HSPG2: variants seen among roughly 807,000 people sequenced by gnomAD.
The protein encoded by HSPG2 is basement membrane-specific heparan sulfate proteoglycan core protein.
A neutral mutation model predicts 526.6 loss-of-function variants in HSPG2; 278 were observed. That is an observed-to-expected ratio of 0.53 (90% CI 0.48 to 0.58). The LOEUF (loss-of-function observed/expected upper bound fraction) is 0.58, where lower values mean the gene tolerates loss of function less well. Among genes scored for constraint, HSPG2 ranks in the 20% least tolerant of loss-of-function variants. The probability of loss-of-function intolerance (pLI) is 0.00; values close to 1 mark genes in which losing one functional copy is unlikely to be tolerated. For missense variants in HSPG2, 5,354 were observed against 6,099.5 expected (o/e 0.88, Z 4.07); for synonymous variants, 2,465 against 2,555.4 (o/e 0.96, Z 1.07).
Position 21,875,001 on chromosome 1 carries a change from C to T in HSPG2, c.3304G>A (p.Val1102Ile). The change falls in exon 26 of 97, where the codon GTC (valine) becomes ATC (isoleucine). Residue 1102 changes from valine (V) to isoleucine (I), a missense_variant and splice_region_variant. Physicochemically the swap from Val to Ile is conservative, Grantham distance 29. Coordinates refer to ENST00000374695, the MANE Select transcript of HSPG2 (RefSeq NM_005529.7). ...SYAQQPAESR[V>I]SGISMDVAVP... ...GCCACGTCCATGCTGATGCCAGAGA[C>T]CCTGGGCGTGACAAGACCCAGCGTG... 6.3e-7 allele frequency: 1 copy of T among 1,593,704 alleles called. No individual in the cohort carries two copies.
In HSPG2 at chr1:21,872,378, C is replaced by G; in HGVS notation, c.4030-1G>C. 1 of 1,565,398 alleles carries G rather than the reference C, an allele frequency of 6.4e-7. No individual in the cohort carries two copies. The highest frequency in any genetic ancestry group is 8.7e-7 in the Non-Finnish European group (1 of 1,153,552). ...CCCCAGGGGCAAAGTGGGTGGAGAT[C>G]TGGCAGGGGAAAAAGGAGGGGGCGT... On this transcript the variant is annotated splice_acceptor_variant, in intron 32 of 96. Coordinates refer to ENST00000374695, the MANE Select transcript of HSPG2 (RefSeq NM_005529.7). LOFTEE classifies it high-confidence loss of function. This position sits in a 1 kb window ranked among gnomAD's most constrained non-coding sequence, Gnocchi z 5.5.
chr1:21,929,800 A>T (rs35427168), intron 1 of HSPG2, among the ~76,000 whole-genome samples: 1 of 151,994 alleles, frequency 6.6e-6, no homozygotes, highest in East Asian at 1.9e-4. Flanking sequence ...CCCGCCCCAC[A>T]TCCAACCCAC....
In HSPG2 at chr1:21,848,997, G is replaced by A. The variant is rs1382448916; in HGVS notation, c.7481C>T (p.Thr2494Ile). 2 of 1,613,950 alleles carry A rather than the reference G, an allele frequency of 1.2e-6. No individual in the cohort carries two copies. Among genetic ancestry groups the A allele is most frequent in the African/African-American group, 1.3e-5 (1 of 74,936 alleles). Residue 2494 changes from threonine (T) to isoleucine (I), a missense_variant, in exon 58 of 97, where the codon ACC (threonine) becomes ATC (isoleucine). Transcript: ENST00000374695. The surrounding 1 kb of genome is among the most constrained non-coding windows in gnomAD (Gnocchi z 4.9). ...CACGTACTCCCCTGAATCAGCTGGG[G>A]TCACCTGGAGCAGGCGTAGCCTCGA... ...HGSRLRLLQV[T>I]PADSGEYVCR...
In HSPG2 at chr1:21,865,178, C is replaced by T; in HGVS notation, c.4396-105G>A. ...CTTACAGGCACTGACTGAGGGCTGCCAGGTGAAGGTTGGGGAGCGAGAGAC... is the reference window on the plus strand; with the variant it reads ...CTTACAGGCACTGACTGAGGGCTGCTAGGTGAAGGTTGGGGAGCGAGAGAC... On this transcript the variant is annotated intron_variant, in intron 35 of 96. Coordinates refer to ENST00000374695, the MANE Select transcript of HSPG2 (RefSeq NM_005529.7). The surrounding 1 kb of genome is among the most constrained non-coding windows in gnomAD (Gnocchi z 5.4). 4 of 1,516,856 alleles carry T rather than the reference C, an allele frequency of 2.6e-6. No individual in the cohort carries two copies. Among genetic ancestry groups the T allele is most frequent in the Middle Eastern group, 1.7e-4 (1 of 5,770 alleles). 94.0% of individuals were successfully genotyped at this position (1,516,856 alleles called of 1,614,324 possible).
chr1:21,874,325 A>C, intron 28 of HSPG2, 81 bp downstream of exon 28: 4 of 1,565,616 alleles, frequency 2.6e-6, no homozygotes, highest in Non-Finnish European at 3.5e-6. Context: ...TGCCTCTCAG[A>C]AGGGCCCTGG....
Position 21,824,470 on chromosome 1 carries a change from C to A in HSPG2, c.12744+67G>T. 1 of 1,605,030 alleles carries A rather than the reference C, an allele frequency of 6.2e-7. No individual in the cohort carries two copies. Among genetic ancestry groups the A allele is most frequent in the Non-Finnish European group, 8.5e-7 (1 of 1,174,148 alleles). ...TCTGCTTTCCCCTCCCCCCACCACT[C>A]CGGCCACCAGGAAGCCAGCTTCCTG... On this transcript the variant is annotated intron_variant, in intron 93 of 96. Transcript: ENST00000374695. The surrounding 1 kb of genome is among the most constrained non-coding windows in gnomAD (Gnocchi z 5.9).
Position 21,847,839 on chromosome 1 carries a change from C to A in HSPG2, c.7875G>T (p.Val2625=), listed in dbSNP as rs1456401267. The change falls in exon 61 of 97, where the codon GTG becomes GTT. Residue 2625 remains valine (V), a splice_region_variant and synonymous_variant. Coordinates refer to ENST00000374695, the MANE Select transcript of HSPG2 (RefSeq NM_005529.7). This position sits in a 1 kb window ranked among gnomAD's most constrained non-coding sequence, Gnocchi z 4.1. ...VTIQGSGSSH[V]PSVSPPIRIE... Reference sequence around the variant, plus strand: ...TCCTGATCGGTGGGGAGACGCTGGGCACTGGGGACAGACGGGTGTGGACCA... The same window carrying A: ...TCCTGATCGGTGGGGAGACGCTGGGAACTGGGGACAGACGGGTGTGGACCA... The A allele has an allele frequency of 6.2e-7, 1 of 1,613,914 alleles. No individual in the cohort carries two copies.
intron 1 of HSPG2, chr1:21,908,709 A>C: frequency 4.6e-4 from 201 of 437,344 alleles, no homozygotes; most frequent in East Asian, 7.6e-4. Context: ...CATCAACTTA[A>C]ACGACCCCAA....
chr1:21,873,734 T>C (rs1640832947), intron 29 of HSPG2, among the ~76,000 whole-genome samples, 191 bp downstream of exon 29: 1 of 152,126 alleles, frequency 6.6e-6, no homozygotes, highest in Admixed American at 6.5e-5. Flanking sequence ...GATGTGTGTC[T>C]GAGGGTCTTG....
intron 1 of HSPG2, among the ~76,000 whole-genome samples, chr1:21,902,574 A>G (rs979275277): frequency 6.6e-6 from 1 of 152,240 alleles, no homozygotes; most frequent in Non-Finnish European, 1.5e-5. Flanking sequence ...GTCTGAAACC[A>G]GGACTCCCCT....
chr1:21,836,786 C>G lies in HSPG2; in HGVS notation c.10355+16G>C. The G allele has an allele frequency of 1.3e-6, 2 of 1,542,842 alleles. No individual in the cohort carries two copies. Among genetic ancestry groups the G allele is most frequent in the Non-Finnish European group, 1.7e-6 (2 of 1,148,574 alleles). ...CTATGCTGCCCAAGTCCAGTCCTGC[C>G]CCCGGCCCCACTCACCGGAGCACCC... On this transcript the variant is annotated intron_variant, in intron 75 of 96. Coordinates refer to ENST00000374695, the MANE Select transcript of HSPG2 (RefSeq NM_005529.7).
rs545573315 is a variant in HSPG2 at position 21,824,863 on chromosome 1, G to A, written c.12590-84C>T. On this transcript the variant is annotated intron_variant, in intron 91 of 96. Transcript: ENST00000374695. This position sits in a 1 kb window ranked among gnomAD's most constrained non-coding sequence, Gnocchi z 5.9. Reference sequence around the variant, plus strand: ...CAGTTCCCCTGACCCCCACCTCCACGCCAACATGCAGGACTAGGGGGCTCC... The same window carrying A: ...CAGTTCCCCTGACCCCCACCTCCACACCAACATGCAGGACTAGGGGGCTCC... 120 of 1,266,446 alleles carry A rather than the reference G, an allele frequency of 9.5e-5. No individual in the cohort carries two copies. In the African/African-American group the frequency reaches 1.5e-3, roughly 15 times the overall value. The allele number at this position is 1,266,446 out of a possible 1,614,324, so 78.5% of individuals were successfully genotyped here.
intron 1 of HSPG2, among the ~76,000 whole-genome samples, chr1:21,900,857 C>G (rs1276319131): frequency 1.3e-5 from 2 of 151,996 alleles, no homozygotes; most frequent in African/African-American, 4.8e-5. Context: ...TGTACTCCAG[C>G]CTGGGCGACA....
chr1:21,833,332 G>A lies in HSPG2; in HGVS notation c.11031C>T (p.Pro3677=), dbSNP rs1162599518. The A allele has an allele frequency of 1.2e-6, 2 of 1,614,150 alleles. No homozygotes were observed. Among genetic ancestry groups the A allele is most frequent in the Admixed American group, 3.3e-5 (2 of 60,028 alleles). The change falls in exon 80 of 97, where the codon CCC becomes CCT. Residue 3677 remains proline (P), a synonymous_variant. Coordinates refer to ENST00000374695, the MANE Select transcript of HSPG2 (RefSeq NM_005529.7). ...TQTPYSFLPL[P]TIKDAYRKFE... is the part of the protein sequence containing the mutation. ...ACTTCCTGTAGGCATCCTTGATGGT[G>A]GGCAGCGGTAGGAAGGAGTAGGGGG...
chr1:21,828,166 C>A lies in HSPG2; in HGVS notation c.12410-14G>T, dbSNP rs1000760871. Reference sequence around the variant, plus strand: ...CACACAGGTCTCCTGTGGGCCAGGGCAGAGGCGAGTGGGTGGGTGGGCATG... The same window carrying A: ...CACACAGGTCTCCTGTGGGCCAGGGAAGAGGCGAGTGGGTGGGTGGGCATG... On this transcript the variant is annotated splice_polypyrimidine_tract_variant and intron_variant, in intron 89 of 96. Coordinates refer to ENST00000374695, the MANE Select transcript of HSPG2 (RefSeq NM_005529.7). This position sits in a 1 kb window ranked among gnomAD's most constrained non-coding sequence, Gnocchi z 6.0. 3.1e-6 allele frequency: 5 copies of A among 1,599,464 alleles called. No individual in the cohort carries two copies. In the African/African-American group the frequency reaches 4.1e-5, roughly 13 times the overall value.
chr1:21,865,262 C>T lies in HSPG2; in HGVS notation c.4395+23G>A, dbSNP rs1483317811. On this transcript the variant is annotated intron_variant, in intron 35 of 96. Transcript: ENST00000374695. This position sits in a 1 kb window ranked among gnomAD's most constrained non-coding sequence, Gnocchi z 5.4. ...GTGGAGGGTGGGGTGGGGTTAGACACAGCATGGCCAGGTGCCCCTTACCTC... is the reference window on the plus strand; with the variant it reads ...GTGGAGGGTGGGGTGGGGTTAGACATAGCATGGCCAGGTGCCCCTTACCTC... 6.2e-7 allele frequency: 1 copy of T among 1,611,230 alleles called. No homozygotes were observed.
chr1:21,840,065 C>G, intron 71 of HSPG2, 48 bp from the exon 72 acceptor site: 3 of 1,524,420 alleles, frequency 2.0e-6, no homozygotes, highest in Non-Finnish European at 2.7e-6. Context: ...AGTGGGGACG[C>G]TGATGTCAGC....
At chr1:21,854,502 G>T in intron 49 of HSPG2, 109 bp downstream of exon 49, 1 of 1,453,174 alleles carries the variant, frequency 6.9e-7, no homozygotes, top group Non-Finnish European at 9.3e-7. Flanking sequence ...GCTTCTGCTG[G>T]TGGAACGTGT....
chr1:21,877,058 T>TTAA (rs1641126087), intron 21 of HSPG2, among the ~76,000 whole-genome samples: 3 of 4,034 alleles, frequency 7.4e-4, no homozygotes, highest in Non-Finnish European at 2.3e-3. Context: ...AGACTCCATC[T>TTAA]CAAAAAAAAA....
Sources: allele counts gnomAD v4.1 joint callset (sites outside exome capture counted in the v4.1 genomes callset), GRCh38; gene constraint gnomAD v4.1.1; non-coding constraint Gnocchi (gnomAD v3.1); transcripts MANE v1.5; gene names NCBI Gene and HGNC (gene_info 2026-07-23, HGNC 2026-07-21).